SLCO5A1: variants seen among roughly 807,000 people sequenced by gnomAD.
SLCO5A1 encodes organic anion transporter polypeptide-related protein 4.
A neutral mutation model predicts 65.1 loss-of-function variants in SLCO5A1; 39 were observed. That is an observed-to-expected ratio of 0.60 (90% CI 0.46 to 0.78). The LOEUF is 0.78. Ranked by LOEUF, SLCO5A1 falls within the 30% of genes least tolerant of loss-of-function variation. The pLI, the probability that SLCO5A1 is intolerant of heterozygous loss-of-function variation, is 0.00. For missense variants in SLCO5A1, 1,029 were observed against 1,069.4 expected, an observed-to-expected ratio of 0.96 and a Z score of 0.53; for synonymous variants, 438 against 415.7, an observed-to-expected ratio of 1.05 and a Z score of -0.65.
intron 6 of SLCO5A1, among the ~76,000 whole-genome samples, chr8:69,701,329 C>A (rs1814727350): frequency 6.6e-6 from 1 of 152,212 alleles, no homozygotes; most frequent in Admixed American, 6.5e-5. Context: ...ACTCAATGGA[C>A]TTCCTTCTCA....
intron 2 of SLCO5A1, among the ~76,000 whole-genome samples, chr8:69,824,390 AAAG>A: frequency 6.6e-6 from 1 of 152,316 alleles, no homozygotes; most frequent in South Asian, 2.1e-4. Context: ...CAAGACTAAT[AAAG>A]AAGAAAAGAG....
rs904156616 is a variant in SLCO5A1 at position 69,803,529 on chromosome 8, CA to C, written c.907+28237del. On this transcript the variant is annotated intron_variant, in intron 2 of 9. Coordinates refer to ENST00000260126, the MANE Select transcript of SLCO5A1 (RefSeq NM_030958.3). Reference sequence around the variant, plus strand: ...GAGATCACGCCACTGCACTCTGTCTCAAAAAAAAACAAAAAAACACGGAGCC... The same window carrying C: ...GAGATCACGCCACTGCACTCTGTCTCAAAAAAAACAAAAAAACACGGAGCC... 2.7e-5 allele frequency among the ~76,000 whole-genome samples: 4 copies of C among 149,514 alleles called. 1 individual carries two copies. Among genetic ancestry groups the C allele is most frequent in the Admixed American group, 6.7e-5 (1 of 15,024 alleles).
At chr8:69,676,743 C>A in intron 8 of SLCO5A1, 70 bp from the exon 9 acceptor site, 3 of 1,406,496 alleles carry the variant, frequency 2.1e-6, no homozygotes, top group South Asian at 1.2e-5. Context: ...CAAATCAAGT[C>A]GGCTTTGTGC....
At chr8:69,831,316 T>G (rs1001474814) in intron 2 of SLCO5A1, among the ~76,000 whole-genome samples, 3 of 150,636 alleles carry the variant, frequency 2.0e-5, no homozygotes, top group African/African-American at 4.9e-5. Flanking sequence ...TAAAGCATGA[T>G]GTATGTAGTC....
chr8:69,724,871 G>A (rs995502431), intron 5 of SLCO5A1, among the ~76,000 whole-genome samples: 1 of 152,088 alleles, frequency 6.6e-6, no homozygotes, highest in Non-Finnish European at 1.5e-5. Context: ...TAACTGTGAG[G>A]CAATGGATGC....
intron 2 of SLCO5A1, among the ~76,000 whole-genome samples, chr8:69,829,347 C>A (rs1183972891): frequency 6.6e-6 from 1 of 152,164 alleles, no homozygotes; most frequent in African/African-American, 2.4e-5. Context: ...GGAACATTAG[C>A]CTTGCCCCTT....
intron 2 of SLCO5A1, among the ~76,000 whole-genome samples, chr8:69,809,478 A>G (rs1223941401): frequency 6.6e-6 from 1 of 152,216 alleles, no homozygotes; most frequent in Non-Finnish European, 1.5e-5. Context: ...AAAAAGAAAG[A>G]AGGACAAGTA....
chr8:69,671,731 A>G lies in SLCO5A1; in HGVS notation c.*1138T>C, dbSNP rs1188492762. 6.6e-6 allele frequency: 1 copy of G among 152,148 alleles called. No homozygotes were observed. The highest frequency in any genetic ancestry group is 1.5e-5 in the Non-Finnish European group (1 of 68,012). 9.4% of individuals were successfully genotyped at this position (152,148 alleles called of 1,614,324 possible). Reference sequence around the variant, plus strand: ...AGGGTTCTTTCGGATGGACTGGTTTATTTTACATAATTTTCAACAATTACT... The same window carrying G: ...AGGGTTCTTTCGGATGGACTGGTTTGTTTTACATAATTTTCAACAATTACT... On this transcript the variant is annotated 3_prime_UTR_variant, in exon 10 of 10. Coordinates refer to ENST00000260126, the MANE Select transcript of SLCO5A1 (RefSeq NM_030958.3).
At chr8:69,707,745 G>C (rs1268570753) in intron 5 of SLCO5A1, among the ~76,000 whole-genome samples, 1 of 152,166 alleles carries the variant, frequency 6.6e-6, no homozygotes, top group Non-Finnish European at 1.5e-5. Context: ...AGCCACAGTA[G>C]GGCCCCACAA....
chr8:69,768,828 G>A (rs986660271), intron 2 of SLCO5A1, among the ~76,000 whole-genome samples: 2 of 152,084 alleles, frequency 1.3e-5, no homozygotes, highest in South Asian at 2.1e-4. Context: ...TCAGTCCCTA[G>A]CAGATACCAA....
At chr8:69,811,404 G>A (rs923441079) in intron 2 of SLCO5A1, among the ~76,000 whole-genome samples, 4 of 152,140 alleles carry the variant, frequency 2.6e-5, no homozygotes, top group African/African-American at 9.7e-5. Context: ...TCTTTGCTTC[G>A]TAGGGGAGCT....
chr8:69,809,988 C>T (rs1007509767), intron 2 of SLCO5A1, among the ~76,000 whole-genome samples: 2 of 152,178 alleles, frequency 1.3e-5, no homozygotes, highest in African/African-American at 4.8e-5. Flanking sequence ...CTATGCCTAA[C>T]CCAGTGAGTT....
intron 2 of SLCO5A1, chr8:69,794,458 G>A: frequency 2.3e-6 from 1 of 440,402 alleles, no homozygotes; most frequent in African/African-American, 2.0e-5. Flanking sequence ...ATGAAAAGTG[G>A]AAGAGTATTG....
At chr8:69,823,405 G>A (rs1196618219) in intron 2 of SLCO5A1, among the ~76,000 whole-genome samples, 2 of 152,126 alleles carry the variant, frequency 1.3e-5, no homozygotes, top group African/African-American at 2.4e-5. Flanking sequence ...GACACACATA[G>A]GCTCAAAATA....
intron 5 of SLCO5A1, among the ~76,000 whole-genome samples, chr8:69,737,290 C>T (rs1462326700): frequency 1.3e-5 from 2 of 152,174 alleles, no homozygotes; most frequent in Admixed American, 6.5e-5. Flanking sequence ...CATAATTCTA[C>T]ACTATTTAAA....
Position 69,738,023 on chromosome 8 carries a change from T to C in SLCO5A1, c.1423+17A>G. On this transcript the variant is annotated intron_variant, in intron 5 of 9. Coordinates refer to ENST00000260126, the MANE Select transcript of SLCO5A1 (RefSeq NM_030958.3). Reference sequence around the variant, plus strand: ...AAATGATCATGTTTTCAAGCAGCCCTAGCGGCAGTGCCTTACCAGTGTAGA... The same window carrying C: ...AAATGATCATGTTTTCAAGCAGCCCCAGCGGCAGTGCCTTACCAGTGTAGA... 1 of 1,610,904 alleles carries C rather than the reference T, an allele frequency of 6.2e-7. No homozygotes were observed. Among genetic ancestry groups the C allele is most frequent in the Non-Finnish European group, 8.5e-7 (1 of 1,178,296 alleles).
intron 2 of SLCO5A1, among the ~76,000 whole-genome samples, chr8:69,799,333 C>A (rs1473957375): frequency 2.6e-5 from 4 of 152,152 alleles, no homozygotes; most frequent in Non-Finnish European, 5.9e-5. Flanking sequence ...GGGAACTTTG[C>A]CCATTGTCTC....
At chr8:69,807,995 G>T (rs955770581) in intron 2 of SLCO5A1, among the ~76,000 whole-genome samples, 1 of 152,136 alleles carries the variant, frequency 6.6e-6, no homozygotes, top group South Asian at 2.1e-4. Flanking sequence ...GAGCCACCGC[G>T]CCCAGCTCAG....
intron 2 of SLCO5A1, among the ~76,000 whole-genome samples, chr8:69,820,690 T>G (rs1218239168): frequency 6.6e-6 from 1 of 151,878 alleles, no homozygotes; most frequent in African/African-American, 2.4e-5. Flanking sequence ...TTTAAAAAAA[T>G]TAATAAAGTT....
Sources: allele counts gnomAD v4.1 joint callset (sites outside exome capture counted in the v4.1 genomes callset), GRCh38; gene constraint gnomAD v4.1.1; transcripts MANE v1.5; gene names NCBI Gene and HGNC (gene_info 2026-07-23, HGNC 2026-07-21).